The following CEP192 variants were observed in gnomAD, a reference collection of about 807,000 sequenced individuals.
CEP192 encodes centrosomal protein 192.
A neutral mutation model predicts 271.8 loss-of-function variants in CEP192; 151 were observed. The observed-to-expected ratio is 0.56, with a 90% confidence interval of 0.49 to 0.64. CEP192 has a LOEUF of 0.64. Among genes scored for constraint, CEP192 ranks in the 30% least tolerant of loss-of-function variants. The pLI, the probability that CEP192 is intolerant of heterozygous loss-of-function variation, is 0.00. For synonymous variants in CEP192, 995 were observed against 1,076.5 expected (o/e 0.92, Z 1.48); for missense variants, 2,910 against 3,020.5 (o/e 0.96, Z 0.86).
chr18:13,068,713 T>C, intron 24 of CEP192, 139 bp from the exon 25 acceptor site: 1 of 789,676 alleles, frequency 1.3e-6, no homozygotes, highest in Non-Finnish European at 2.0e-6. Context: ...TTCACTCATT[T>C]CTATTCTTTT....
In CEP192 at chr18:13,068,527, G is replaced by A. The variant is rs1396127625; in HGVS notation, c.4822+105G>A. ...AATAAATGTCAGTACTTCGAAATCTGTCAACTATTTTATGTTTTTTTGAAA... is the reference window on the plus strand; with the variant it reads ...AATAAATGTCAGTACTTCGAAATCTATCAACTATTTTATGTTTTTTTGAAA... On this transcript the variant is annotated intron_variant, in intron 24 of 44. Transcript: ENST00000506447. The A allele has an allele frequency of 3.0e-6, 3 of 1,010,288 alleles. No individual in the cohort carries two copies. The African/African-American group carries it at 4.9e-5, about 16-fold the overall frequency. The allele number at this position is 1,010,288 out of a possible 1,614,324, so 62.6% of individuals were successfully genotyped here.
chr18:13,073,500 A>C (rs896699910), intron 30 of CEP192, among the ~76,000 whole-genome samples: 1 of 152,260 alleles, frequency 6.6e-6, no homozygotes, highest in Non-Finnish European at 1.5e-5. Context: ...TTAAGATATT[A>C]ACTTTCCCAT....
chr18:13,054,958 TG>T (rs1568344348), intron 18 of CEP192, among the ~76,000 whole-genome samples: 1 of 152,046 alleles, frequency 6.6e-6, no homozygotes, highest in African/African-American at 2.4e-5. Context: ...AGTTTAGAAA[TG>T]GGAGAGGGCT....
At chr18:13,010,344 C>T (rs2034265697) in intron 4 of CEP192, among the ~76,000 whole-genome samples, 1 of 151,982 alleles carries the variant, frequency 6.6e-6, no homozygotes, top group East Asian at 1.9e-4. Flanking sequence ...AAAGGACTTG[C>T]CTGATTATAT....
chr18:13,031,537 G>A (rs1021201668), intron 11 of CEP192, among the ~76,000 whole-genome samples: 4 of 152,100 alleles, frequency 2.6e-5, no homozygotes, highest in Non-Finnish European at 4.4e-5. Flanking sequence ...GTGAGCCACC[G>A]CGCCCGGCCA....
chr18:13,102,769 A>G (rs1296192779), intron 38 of CEP192, among the ~76,000 whole-genome samples: 1 of 152,084 alleles, frequency 6.6e-6, no homozygotes, highest in African/African-American at 2.4e-5. Flanking sequence ...GTCCCGGCCC[A>G]GCCTGCCTGT....
chr18:13,011,436 G>A (rs2034353533), intron 4 of CEP192, among the ~76,000 whole-genome samples: 1 of 152,088 alleles, frequency 6.6e-6, no homozygotes, highest in Non-Finnish European at 1.5e-5. Context: ...GTTAAATATT[G>A]TGTTACCATG....
intron 19 of CEP192, 98 bp from the exon 20 acceptor site, chr18:13,057,487 C>T: frequency 7.4e-7 from 1 of 1,356,016 alleles, no homozygotes; most frequent in Non-Finnish European, 1.0e-6. Context: ...TCTGTGTAAA[C>T]AGGCCATCTT....
intron 15 of CEP192, 89 bp downstream of exon 15, chr18:13,042,423 T>C: frequency 7.4e-7 from 1 of 1,345,574 alleles, no homozygotes; most frequent in East Asian, 2.4e-5. Context: ...GAAAAATTTA[T>C]GCCGTTTAAC....
chr18:13,003,883 G>A (rs986759846), intron 3 of CEP192, among the ~76,000 whole-genome samples: 2 of 152,186 alleles, frequency 1.3e-5, no homozygotes, highest in Middle Eastern at 3.2e-3. Context: ...TTGTCTGGGA[G>A]TGAGGCAGAT....
chr18:13,122,310 T>G (rs573042446), intron 44 of CEP192, among the ~76,000 whole-genome samples: 56 of 152,320 alleles, frequency 3.7e-4, no homozygotes, highest in African/African-American at 1.3e-3. Context: ...TAATCCTAGC[T>G]ACTCAGGAGG....
At chr18:13,062,334 G>A (rs1166561004) in intron 21 of CEP192, among the ~76,000 whole-genome samples, 1 of 152,126 alleles carries the variant, frequency 6.6e-6, no homozygotes, top group African/African-American at 2.4e-5. Flanking sequence ...TTATATAGAG[G>A]CCACATGCAT....
At chr18:13,109,581 G>A (rs1254826816) in intron 40 of CEP192, among the ~76,000 whole-genome samples, 1 of 151,976 alleles carries the variant, frequency 6.6e-6, no homozygotes, top group East Asian at 1.9e-4. Context: ...ATTTTCCATA[G>A]TGGTAAAGAT....
intron 34 of CEP192, among the ~76,000 whole-genome samples, chr18:13,093,338 C>G (rs2039241386): frequency 6.6e-6 from 1 of 152,116 alleles, no homozygotes; most frequent in African/African-American, 2.4e-5. Flanking sequence ...CAAAAATAAC[C>G]TTCCTCTTTG....
At chr18:13,002,167 G>T (rs1233883681) in intron 3 of CEP192, among the ~76,000 whole-genome samples, 1 of 152,134 alleles carries the variant, frequency 6.6e-6, no homozygotes, top group East Asian at 1.9e-4. Flanking sequence ...CTAGAGAACA[G>T]CCATTGAGTA....
intron 18 of CEP192, among the ~76,000 whole-genome samples, chr18:13,053,867 T>G (rs1007559318): frequency 3.3e-5 from 5 of 152,136 alleles, no homozygotes; most frequent in Admixed American, 6.5e-5. Context: ...TTTTTCATTT[T>G]TTTTTGTAGA....
intron 17 of CEP192, 114 bp downstream of exon 17, chr18:13,050,005 C>A: frequency 2.4e-6 from 2 of 821,796 alleles, no homozygotes; most frequent in Admixed American, 6.6e-5. Flanking sequence ...AAAGGTAACT[C>A]TTGTAAGCTG....
chr18:13,020,203 A>G (rs1456256219), intron 9 of CEP192, among the ~76,000 whole-genome samples: 1 of 152,186 alleles, frequency 6.6e-6, no homozygotes, highest in East Asian at 1.9e-4. Flanking sequence ...CTTGTAAAAC[A>G]AACTCTACCC....
chr18:13,118,477 CTTACTCTTTCTT>C (rs2040529140), intron 44 of CEP192, among the ~76,000 whole-genome samples: 1 of 152,174 alleles, frequency 6.6e-6, no homozygotes, highest in Admixed American at 6.5e-5. Flanking sequence ...TTCCTTCCAC[CTTACTCTTTCTT>C]TTTATTCGTT....
Sources: gnomAD v4.1 joint callset for allele counts (sites outside exome capture counted in the v4.1 genomes callset) on GRCh38, gnomAD v4.1.1 for gene constraint, MANE v1.5 for transcripts, NCBI Gene and HGNC (gene_info 2026-07-23, HGNC 2026-07-21) for gene names.